Variants in SHANK2 observed in about 807,000 individuals in gnomAD.
SHANK2 encodes SH3 and multiple ankyrin repeat domains 2, also known as SH3 and multiple ankyrin repeat domains protein 2.
Under a neutral mutation model 133.7 loss-of-function variants are expected in SHANK2, and 43 were observed. That is an observed-to-expected ratio of 0.32 (90% CI 0.25 to 0.41). SHANK2 has a LOEUF of 0.41. Among genes scored for constraint, SHANK2 ranks in the 10% least tolerant of loss-of-function variants. The pLI, the probability that SHANK2 is intolerant of heterozygous loss-of-function variation, is 1.00. For missense variants in SHANK2, 1,994 were observed against 2,235.8 expected, an observed-to-expected ratio of 0.89 and a Z score of 2.18; for synonymous variants, 1,017 against 952.8, an observed-to-expected ratio of 1.07 and a Z score of -1.24.
At chr11:71,117,696 C>T (rs1233528935) in intron 4 of SHANK2, among the ~76,000 whole-genome samples, 3 of 152,194 alleles carry the variant, frequency 2.0e-5, no homozygotes, top group Non-Finnish European at 1.5e-5. Context: ...CATCCACATA[C>T]TGGGAGGGTG....
At chr11:71,093,197 T>C (rs1951549382) in intron 7 of SHANK2, among the ~76,000 whole-genome samples, 1 of 152,178 alleles carries the variant, frequency 6.6e-6, no homozygotes, top group South Asian at 2.1e-4. Flanking sequence ...GTCAACATTT[T>C]GTGCCAGTGG....
chr11:71,144,684 GA>G (rs1318946974), intron 3 of SHANK2, among the ~76,000 whole-genome samples: 1 of 151,874 alleles, frequency 6.6e-6, no homozygotes, highest in Admixed American at 6.6e-5. Flanking sequence ...TAACAAGAAA[GA>G]AAAAAAATTC....
chr11:70,873,331 G>T (rs1297197008), intron 11 of SHANK2, among the ~76,000 whole-genome samples: 2 of 152,216 alleles, frequency 1.3e-5, no homozygotes, highest in African/African-American at 4.8e-5. Context: ...GACTTGCAGG[G>T]CTTCCAGGAA....
chr11:71,172,374 C>A (rs1223180769), intron 2 of SHANK2, among the ~76,000 whole-genome samples: 1 of 151,886 alleles, frequency 6.6e-6, no homozygotes, highest in African/African-American at 2.4e-5. Flanking sequence ...CACTTGCGAG[C>A]GAATCACAAG....
intron 17 of SHANK2, among the ~76,000 whole-genome samples, chr11:70,505,903 C>T (rs12364154): frequency 0.24 from 36,913 of 152,156 alleles, 4,766 homozygotes; most frequent in African/African-American, 0.33. Context: ...CAGAATCTCC[C>T]GTGGTTCATT....
chr11:70,780,998 C>T (rs977669588), intron 14 of SHANK2, among the ~76,000 whole-genome samples: 1 of 152,118 alleles, frequency 6.6e-6, no homozygotes, highest in African/African-American at 2.4e-5. Flanking sequence ...AGATTTTGAA[C>T]TAAGCAGTAA....
At chr11:70,869,181 A>G (rs1276248734) in intron 11 of SHANK2, among the ~76,000 whole-genome samples, 2 of 152,216 alleles carry the variant, frequency 1.3e-5, no homozygotes, top group African/African-American at 4.8e-5. Context: ...GAACCAGTCC[A>G]GAGACCCCTT....
Position 70,471,255 on chromosome 11 carries a change from G to T in SHANK2, c.*1614C>A. On this transcript the variant is annotated 3_prime_UTR_variant, in exon 26 of 26. Transcript: ENST00000601538. The surrounding 1 kb of genome is among the most constrained non-coding windows in gnomAD (Gnocchi z 4.1). ...CTAGAGCTGTTCCAGACCTAATCAAGAAAAAAAGGAAAAAAAAAAAACAAA... is the reference window on the plus strand; with the variant it reads ...CTAGAGCTGTTCCAGACCTAATCAATAAAAAAAGGAAAAAAAAAAAACAAA... 1 of 376,904 alleles carries T rather than the reference G, an allele frequency of 2.7e-6. No individual in the cohort carries two copies. The highest frequency in any genetic ancestry group is 4.6e-6 in the Non-Finnish European group (1 of 218,284). The allele number at this position is 376,904 out of a possible 1,614,324, so 23.3% of individuals were successfully genotyped here. A position where few individuals can be genotyped will look rare whatever the true frequency, so the allele number is the denominator to read the frequency against.
At chr11:70,780,092 C>T (rs782285504) in intron 14 of SHANK2, among the ~76,000 whole-genome samples, 8 of 152,170 alleles carry the variant, frequency 5.3e-5, no homozygotes, top group Non-Finnish European at 8.8e-5. Context: ...AGAAATCAGG[C>T]CAAGAGATGG....
chr11:70,683,185 C>A (rs72948947), intron 15 of SHANK2, among the ~76,000 whole-genome samples: 4,723 of 152,060 alleles, frequency 0.031, 110 homozygotes, highest in Middle Eastern at 0.11. Context: ...GCTTTGTTGC[C>A]CTGGCTGGTC....
intron 14 of SHANK2, among the ~76,000 whole-genome samples, chr11:70,770,810 G>C (rs1030597044): frequency 6.6e-6 from 1 of 151,646 alleles, no homozygotes; most frequent in African/African-American, 2.4e-5. Flanking sequence ...CCGACACACA[G>C]AGTGCTCCAG....
chr11:70,731,229 C>G (rs1200382750), intron 14 of SHANK2, among the ~76,000 whole-genome samples: 1 of 152,194 alleles, frequency 6.6e-6, no homozygotes, highest in African/African-American at 2.4e-5. Context: ...TATGTGGGGA[C>G]ACAGTAAGAA....
intron 14 of SHANK2, among the ~76,000 whole-genome samples, chr11:70,762,613 G>T (rs1004688888): frequency 6.6e-6 from 1 of 152,154 alleles, no homozygotes; most frequent in Admixed American, 6.5e-5. Flanking sequence ...GTACAGAGGT[G>T]CACAGACCCC....
chr11:71,139,929 G>A (rs4945099), intron 3 of SHANK2, among the ~76,000 whole-genome samples: 59,231 of 151,738 alleles, frequency 0.39, 12,496 homozygotes, highest in East Asian at 0.52. Context: ...CCGGACAGCA[G>A]CGGAGGAGGG....
intron 15 of SHANK2, among the ~76,000 whole-genome samples, chr11:70,694,394 T>C (rs1565247410): frequency 6.6e-6 from 1 of 152,096 alleles, no homozygotes; most frequent in East Asian, 1.9e-4. Flanking sequence ...TAAGAGGAGG[T>C]TGGAAGGGGA....
At position 71,076,503 on chromosome 11, in the gene SHANK2, A is replaced by ACAAAAC. The variant is rs1388417173; in HGVS notation, c.913-1229_913-1228insGTTTTG. ...AGCTATAAAAACAAAACAAAACAAA[A>ACAAAAC]AAAAAACAAACAAAAACAAAAAACG... On this transcript the variant is annotated intron_variant, in intron 8 of 25. Transcript: ENST00000601538. 2.7e-3 allele frequency among the ~76,000 whole-genome samples: 400 copies of ACAAAAC among 148,924 alleles called. 5 individuals carry two copies. The highest frequency in any genetic ancestry group is 9.5e-3 in the African/African-American group (388 of 40,784).
At chr11:70,943,671 A>G (rs528032294) in intron 10 of SHANK2, among the ~76,000 whole-genome samples, 1 of 152,306 alleles carries the variant, frequency 6.6e-6, no homozygotes, top group Admixed American at 6.5e-5. Flanking sequence ...CTTGTTTGCA[A>G]CACCCAGTGC....
At chr11:70,657,138 C>T (rs1555011818) in intron 17 of SHANK2, among the ~76,000 whole-genome samples, 4 of 152,182 alleles carry the variant, frequency 2.6e-5, no homozygotes. Flanking sequence ...TTTCGAGGTT[C>T]TTTCAAAATA....
At chr11:71,187,523 G>T (rs1418974257) in intron 2 of SHANK2, among the ~76,000 whole-genome samples, 1 of 151,900 alleles carries the variant, frequency 6.6e-6, no homozygotes, top group African/African-American at 2.4e-5. Context: ...GTTTTATTCA[G>T]GACAGTTCAT....
Sources: gnomAD v4.1 joint callset for allele counts (sites outside exome capture counted in the v4.1 genomes callset) on GRCh38, gnomAD v4.1.1 for gene constraint, Gnocchi (gnomAD v3.1) non-coding constraint, MANE v1.5 for transcripts, NCBI Gene and HGNC (gene_info 2026-07-23, HGNC 2026-07-21) for gene names.